The following ARHGEF38 variants were observed in gnomAD, a reference collection of about 807,000 sequenced individuals.
The protein encoded by ARHGEF38 is Rho guanine nucleotide exchange factor 38, also known as Rho guanine nucleotide exchange factor (GEF) 38.
ARHGEF38 carries 79 observed loss-of-function variants against 79.9 expected under a neutral mutation model. That is an observed-to-expected ratio of 0.99 (90% confidence interval 0.82 to 1.19). The LOEUF (loss-of-function observed/expected upper bound fraction) is 1.19. Ranked by LOEUF, ARHGEF38 falls within the 50% of genes most tolerant of loss-of-function variation. The probability of loss-of-function intolerance (pLI) is 0.00; values close to 1 mark genes in which losing one functional copy is unlikely to be tolerated. For missense variants in ARHGEF38, 962 were observed against 907.2 expected, an observed-to-expected ratio of 1.06 and a Z score of -0.78; for synonymous variants, 366 against 328.3, an observed-to-expected ratio of 1.11 and a Z score of -1.24.
chr4:105,672,439 A>G (rs1374419002), intron 13 of ARHGEF38, among the ~76,000 whole-genome samples: 2 of 152,148 alleles, frequency 1.3e-5, no homozygotes, highest in African/African-American at 2.4e-5. Context: ...GGCAGTACTG[A>G]TTTATACCAA....
intron 2 of ARHGEF38, among the ~76,000 whole-genome samples, chr4:105,591,888 G>C (rs1278310842): frequency 6.6e-6 from 1 of 152,116 alleles, no homozygotes; most frequent in African/African-American, 2.4e-5. Flanking sequence ...GCTCTTTAGT[G>C]TCATTGCTAC....
chr4:105,631,794 T>C, intron 4 of ARHGEF38: 1 of 618,584 alleles, frequency 1.6e-6, no homozygotes, highest in African/African-American at 2.0e-5. Flanking sequence ...TTTCTGAATA[T>C]GCAGTTTCCT....
At chr4:105,624,279 T>A (rs1261912409) in intron 3 of ARHGEF38, among the ~76,000 whole-genome samples, 1 of 152,172 alleles carries the variant, frequency 6.6e-6, no homozygotes, top group Non-Finnish European at 1.5e-5. Context: ...ATCATAAGCC[T>A]CAGGAAGTGT....
In ARHGEF38 at chr4:105,654,184, A is replaced by G. The variant is rs1730228621; in HGVS notation, c.1113+15A>G. Reference sequence around the variant, plus strand: ...AACACATACAGGTAGGTGAGACACAACTGTTTTCAGTGTTCTACAGGAACA... The same window carrying G: ...AACACATACAGGTAGGTGAGACACAGCTGTTTTCAGTGTTCTACAGGAACA... On this transcript the variant is annotated intron_variant, in intron 8 of 13. Coordinates refer to ENST00000420470, the MANE Select transcript of ARHGEF38 (RefSeq NM_001242729.2). The G allele has an allele frequency of 1.4e-6, 2 of 1,399,072 alleles. No homozygotes were observed. Among genetic ancestry groups the G allele is most frequent in the East Asian group, 5.1e-5 (2 of 39,494 alleles). The allele number at this position is 1,399,072 out of a possible 1,614,324, so 86.7% of individuals were successfully genotyped here.
Position 105,647,965 on chromosome 4 carries a change from C to A in ARHGEF38, c.875-584C>A, listed in dbSNP as rs575106609. Among the ~76,000 whole-genome samples the A allele has an allele frequency of 1.1e-4, 16 of 150,326 alleles. No individual in the cohort carries two copies. In the South Asian group the frequency reaches 2.5e-3, roughly 24 times the overall value. Reference sequence around the variant, plus strand: ...AATGCAGTGGCATGATCTCGGCTCACTGCAACCTCTGCCTCCTGGGTTCAA... The same window carrying A: ...AATGCAGTGGCATGATCTCGGCTCAATGCAACCTCTGCCTCCTGGGTTCAA... On this transcript the variant is annotated intron_variant, in intron 6 of 13. Transcript: ENST00000420470.
At chr4:105,633,469 T>G (rs1729274949) in intron 4 of ARHGEF38, among the ~76,000 whole-genome samples, 1 of 152,178 alleles carries the variant, frequency 6.6e-6, no homozygotes, top group African/African-American at 2.4e-5. Flanking sequence ...TCAAAGCTAT[T>G]ACTGTCACTC....
At chr4:105,644,997 TG>T (rs895421505) in intron 5 of ARHGEF38, among the ~76,000 whole-genome samples, 190 bp from the exon 6 acceptor site, 1 of 152,236 alleles carries the variant, frequency 6.6e-6, no homozygotes, top group Non-Finnish European at 1.5e-5. Context: ...TTTAGGTTTT[TG>T]TTTCATAGTA....
intron 11 of ARHGEF38, 118 bp downstream of exon 11, chr4:105,666,438 T>C: frequency 8.7e-7 from 1 of 1,143,272 alleles, no homozygotes; most frequent in South Asian, 2.1e-5. Flanking sequence ...AATTTACATA[T>C]GTGTAGAATT....
intron 2 of ARHGEF38, among the ~76,000 whole-genome samples, chr4:105,601,711 G>T (rs1047776567): frequency 6.6e-6 from 1 of 151,994 alleles, no homozygotes. Flanking sequence ...AGGCATCAGC[G>T]GTCAGAGAAA....
chr4:105,601,259 C>T (rs1727809470), intron 2 of ARHGEF38, among the ~76,000 whole-genome samples: 1 of 152,132 alleles, frequency 6.6e-6, no homozygotes, highest in African/African-American at 2.4e-5. Flanking sequence ...GTTTCAAGCT[C>T]TTTGTTCTTG....
chr4:105,598,013 T>A (rs899908793), intron 2 of ARHGEF38, among the ~76,000 whole-genome samples: 15 of 151,410 alleles, frequency 9.9e-5, no homozygotes, highest in Non-Finnish European at 1.9e-4. Context: ...ACTTTCCAAT[T>A]TTTTTTTTAA....
At chr4:105,613,262 T>A in intron 2 of ARHGEF38, 122 bp from the exon 3 acceptor site, 1 of 1,222,390 alleles carries the variant, frequency 8.2e-7, no homozygotes, top group Non-Finnish European at 1.1e-6. Context: ...TAAATAAGAA[T>A]GTTAACAGAA....
intron 3 of ARHGEF38, 29 bp from the exon 4 acceptor site, chr4:105,630,869 T>C: frequency 1.9e-6 from 3 of 1,572,970 alleles, no homozygotes; most frequent in Non-Finnish European, 2.6e-6. Flanking sequence ...TCTGATGATG[T>C]CATTTTGCCT....
At chr4:105,570,565 A>AAAGGCC in intron 1 of ARHGEF38, among the ~76,000 whole-genome samples, 1 of 152,304 alleles carries the variant, frequency 6.6e-6, no homozygotes, top group African/African-American at 2.4e-5. Flanking sequence ...GAGAAGGGGA[A>AAAGGCC]CTATGAGTGA....
chr4:105,617,056 G>A (rs1300669031), intron 3 of ARHGEF38, among the ~76,000 whole-genome samples: 1 of 152,194 alleles, frequency 6.6e-6, no homozygotes, highest in Non-Finnish European at 1.5e-5. Context: ...ACAGTTAAAT[G>A]ATGACAGTTT....
At chr4:105,676,113 A>G (rs1201758408) in intron 13 of ARHGEF38, among the ~76,000 whole-genome samples, 8 of 152,234 alleles carry the variant, frequency 5.3e-5, no homozygotes, top group Non-Finnish European at 2.9e-5. Context: ...CTTCAGCTAC[A>G]GCTATAGTCT....
At chr4:105,604,757 T>TC (rs1274022449) in intron 2 of ARHGEF38, among the ~76,000 whole-genome samples, 3 of 152,068 alleles carry the variant, frequency 2.0e-5, no homozygotes, top group African/African-American at 7.2e-5. Flanking sequence ...GTACACACAT[T>TC]CACACACACC....
chr4:105,659,389 C>G, intron 10 of ARHGEF38, 24 bp downstream of exon 10: 1 of 1,519,700 alleles, frequency 6.6e-7, no homozygotes, highest in Non-Finnish European at 8.8e-7. Flanking sequence ...CAACACCTAG[C>G]TAGCTACCTT....
chr4:105,672,615 C>T (rs1263274564), intron 13 of ARHGEF38, among the ~76,000 whole-genome samples: 2 of 152,112 alleles, frequency 1.3e-5, no homozygotes, highest in Non-Finnish European at 2.9e-5. Flanking sequence ...AACAAATTAC[C>T]ACAAATTTGG....
Sources: allele counts gnomAD v4.1 joint callset (sites outside exome capture counted in the v4.1 genomes callset), GRCh38; gene constraint gnomAD v4.1.1; transcripts MANE v1.5; gene names NCBI Gene and HGNC (gene_info 2026-07-23, HGNC 2026-07-21).